Variants in MAGI2 observed in about 807,000 individuals in gnomAD.
The protein encoded by MAGI2 is membrane associated guanylate kinase, WW and PDZ domain containing 2, also known as membrane-associated guanylate kinase, WW and PDZ domain-containing protein 2.
A neutral mutation model predicts 133.3 loss-of-function variants in MAGI2; 35 were observed. The observed-to-expected ratio is 0.26, with a 90% CI of 0.20 to 0.35. The LOEUF (loss-of-function observed/expected upper bound fraction) is 0.35, where lower values mean the gene tolerates loss of function less well. Among genes scored for constraint, MAGI2 ranks in the 10% least tolerant of loss-of-function variants. The pLI, the probability that MAGI2 is intolerant of heterozygous loss-of-function variation, is 1.00. For missense variants in MAGI2, 1,636 were observed against 1,863.4 expected (o/e 0.88, Z 2.25); for synonymous variants, 729 against 710.6 (o/e 1.03, Z -0.41).
At chr7:79,305,740 T>A (rs549304220) in intron 1 of MAGI2, among the ~76,000 whole-genome samples, 1 of 152,192 alleles carries the variant, frequency 6.6e-6, no homozygotes, top group African/African-American at 2.4e-5. Flanking sequence ...AGACCCTGTC[T>A]CTACAAAAAA....
intron 6 of MAGI2, among the ~76,000 whole-genome samples, chr7:78,475,909 A>T (rs1459143296): frequency 2.0e-5 from 3 of 151,946 alleles, no homozygotes; most frequent in South Asian, 4.2e-4. Context: ...GTCTTCTCGG[A>T]ACATGCCTGG....
chr7:78,553,117 A>G (rs534401803), intron 3 of MAGI2, among the ~76,000 whole-genome samples: 460 of 150,030 alleles, frequency 3.1e-3, no homozygotes, highest in Non-Finnish European at 4.9e-3. Flanking sequence ...AACAAACACC[A>G]AAGTGTATTC....
intron 1 of MAGI2, among the ~76,000 whole-genome samples, chr7:79,395,922 A>G (rs1845013995): frequency 1.3e-5 from 2 of 152,202 alleles, no homozygotes; most frequent in African/African-American, 4.8e-5. Context: ...AAACATGAAT[A>G]TATAGATATT....
At chr7:78,668,229 T>C (rs1454878898) in intron 2 of MAGI2, among the ~76,000 whole-genome samples, 1 of 152,106 alleles carries the variant, frequency 6.6e-6, no homozygotes, top group Non-Finnish European at 1.5e-5. Flanking sequence ...CGCCCACTTT[T>C]TGATGGGGTT....
At chr7:78,590,787 A>G (rs537327373) in intron 3 of MAGI2, among the ~76,000 whole-genome samples, 11 of 152,186 alleles carry the variant, frequency 7.2e-5, no homozygotes, top group Non-Finnish European at 1.3e-4. Context: ...ATTCTACTAC[A>G]GGTTAACCAT....
At chr7:78,923,767 C>T (rs1429639947) in intron 2 of MAGI2, among the ~76,000 whole-genome samples, 1 of 152,126 alleles carries the variant, frequency 6.6e-6, no homozygotes. Flanking sequence ...GGCATTGAAT[C>T]TATAAATTAC....
intron 9 of MAGI2, among the ~76,000 whole-genome samples, chr7:78,265,303 C>A (rs1206976501): frequency 6.6e-6 from 1 of 152,168 alleles, no homozygotes; most frequent in Non-Finnish European, 1.5e-5. Flanking sequence ...GATGAAACAA[C>A]ACTTCAGATT....
At chr7:78,309,068 A>G (rs1002660224) in intron 9 of MAGI2, among the ~76,000 whole-genome samples, 1 of 152,220 alleles carries the variant, frequency 6.6e-6, no homozygotes, top group Non-Finnish European at 1.5e-5. Context: ...GAGAAAAGGG[A>G]ATACTTACAC....
intron 20 of MAGI2, among the ~76,000 whole-genome samples, chr7:78,097,443 G>A (rs969423586): frequency 2.6e-5 from 4 of 152,088 alleles, no homozygotes; most frequent in Non-Finnish European, 1.5e-5. Context: ...ATGTGATAAA[G>A]AAAATATGGT....
chr7:79,263,016 T>G (rs1283149449), intron 1 of MAGI2, among the ~76,000 whole-genome samples: 1 of 152,210 alleles, frequency 6.6e-6, no homozygotes, highest in South Asian at 2.1e-4. Flanking sequence ...TGTGCTTGGC[T>G]TATATATCAT....
intron 6 of MAGI2, among the ~76,000 whole-genome samples, chr7:78,479,708 C>T (rs897896860): frequency 6.6e-5 from 10 of 151,694 alleles, no homozygotes; most frequent in African/African-American, 2.4e-4. Context: ...TAATGAATGT[C>T]CAGGATAAAC....
Position 79,436,224 on chromosome 7 carries a change from C to CAA in MAGI2, c.301+16794_301+16795dup, listed in dbSNP as rs34732039. Among the ~76,000 whole-genome samples the CAA allele has an allele frequency of 4.1e-3, 379 of 92,412 alleles. 7 individuals carry two copies. The East Asian group carries it at 0.053, about 13-fold the overall frequency. The allele number at this position is 92,412 out of a possible 152,430, so 60.6% of individuals were successfully genotyped here. ...TGGGTGACAGAGCAAGACTTCACCT[C>CAA]AAAAAAAAAAAAAAAAAAGTCCTTG... On this transcript the variant is annotated intron_variant, in intron 1 of 21. Transcript: ENST00000354212.
chr7:78,466,342 C>G (rs1339677204), intron 6 of MAGI2, among the ~76,000 whole-genome samples: 1 of 152,198 alleles, frequency 6.6e-6, no homozygotes, highest in Non-Finnish European at 1.5e-5. Flanking sequence ...CCACTTTGCA[C>G]TGGAAGTGCC....
At chr7:79,131,763 C>G (rs1012408353) in intron 1 of MAGI2, among the ~76,000 whole-genome samples, 2 of 151,968 alleles carry the variant, frequency 1.3e-5, no homozygotes, top group Non-Finnish European at 2.9e-5. Context: ...AATTTTTAAA[C>G]TTTCTTGAAT....
intron 2 of MAGI2, among the ~76,000 whole-genome samples, chr7:78,760,230 T>C (rs1824359365): frequency 6.6e-6 from 1 of 152,346 alleles, no homozygotes; most frequent in Non-Finnish European, 1.5e-5. Context: ...TATAATATTT[T>C]TAAGGCTACA....
chr7:78,546,856 T>C (rs1480053327), intron 3 of MAGI2, among the ~76,000 whole-genome samples: 1 of 152,212 alleles, frequency 6.6e-6, no homozygotes, highest in Admixed American at 6.5e-5. Context: ...CACAGAGTTG[T>C]TCTGAAGCTG....
intron 10 of MAGI2, among the ~76,000 whole-genome samples, chr7:78,244,167 TA>T (rs535442682): frequency 0.13 from 9,062 of 68,734 alleles, 212 homozygotes; most frequent in African/African-American, 0.17. Flanking sequence ...CTATTTAAAT[TA>T]AAAAAAAAAA....
chr7:78,719,000 G>C (rs79873158), intron 2 of MAGI2, among the ~76,000 whole-genome samples: 1 of 152,118 alleles, frequency 6.6e-6, no homozygotes, highest in South Asian at 2.1e-4. Flanking sequence ...AATACAATGA[G>C]GGTTTGTGTG....
intron 10 of MAGI2, among the ~76,000 whole-genome samples, chr7:78,228,142 T>C (rs1447007486): frequency 2.0e-5 from 3 of 152,116 alleles, no homozygotes; most frequent in South Asian, 2.1e-4. Flanking sequence ...TACAAAAGAG[T>C]ATTCTTCTTT....
Sources: allele counts gnomAD v4.1 joint callset (sites outside exome capture counted in the v4.1 genomes callset), GRCh38; gene constraint gnomAD v4.1.1; transcripts MANE v1.5; gene names NCBI Gene and HGNC (gene_info 2026-07-23, HGNC 2026-07-21).